The following WWOX variants were observed in gnomAD, a reference collection of about 807,000 sequenced individuals.
WWOX encodes the protein WW domain-containing oxidoreductase.
Under a neutral mutation model 46.2 loss-of-function variants are expected in WWOX, and 69 were observed. The ratio of observed to expected loss-of-function variants is 1.49; its 90% CI spans 1.23 to 1.82. The LOEUF (loss-of-function observed/expected upper bound fraction) is 1.82. WWOX is among the 40% of genes most tolerant of loss of function. The pLI is 0.00. For missense variants in WWOX, 919 were observed against 542.6 expected (o/e 1.69, Z -6.89); for synonymous variants, 359 against 202.6 (o/e 1.77, Z -6.56).
intron 8 of WWOX, among the ~76,000 whole-genome samples, chr16:78,705,120 T>C (rs2048304455): frequency 6.6e-6 from 1 of 152,156 alleles, no homozygotes; most frequent in African/African-American, 2.4e-5. Context: ...GTGTTTTCAG[T>C]GTTAGAGAAA....
At chr16:78,982,004 C>G (rs145425621) in intron 8 of WWOX, among the ~76,000 whole-genome samples, 1 of 152,288 alleles carries the variant, frequency 6.6e-6, no homozygotes, top group Non-Finnish European at 1.5e-5. Flanking sequence ...GGCAGAATCT[C>G]AGTTTCAACA....
chr16:78,835,267 A>T (rs1016315791), intron 8 of WWOX, among the ~76,000 whole-genome samples: 2 of 152,294 alleles, frequency 1.3e-5, no homozygotes, highest in South Asian at 4.1e-4. Context: ...TTCCGAGATT[A>T]TTTACTATTT....
intron 6 of WWOX, among the ~76,000 whole-genome samples, chr16:78,395,734 G>A (rs961278476): frequency 4.7e-5 from 7 of 149,560 alleles, no homozygotes; most frequent in African/African-American, 1.8e-4. Context: ...ACTCTACTGA[G>A]TATGGTTTTT....
At position 79,100,715 on chromosome 16, in the gene WWOX, T is replaced by C. The variant is rs111493130; in HGVS notation, c.1057-110893T>C. On this transcript the variant is annotated intron_variant, in intron 8 of 8. Transcript: ENST00000566780. ...CAGCCTAAGGGGGTGCTTCAGCACCTTGGCGTCACCAGGCTGCAATTAAAA... is the reference window on the plus strand; with the variant it reads ...CAGCCTAAGGGGGTGCTTCAGCACCCTGGCGTCACCAGGCTGCAATTAAAA... Among the ~76,000 whole-genome samples, 6 of 152,302 alleles carry C rather than the reference T, an allele frequency of 3.9e-5. 1 individual carries two copies. Among genetic ancestry groups the C allele is most frequent in the African/African-American group, 1.4e-4 (6 of 41,576 alleles).
intron 8 of WWOX, chr16:78,825,427 AT>A (rs2051624912): frequency 5.9e-6 from 2 of 336,400 alleles, no homozygotes; most frequent in Admixed American, 5.9e-5. Flanking sequence ...AGTAACAAAT[AT>A]CTTAGCCAAC....
At chr16:78,260,493 T>C (rs1392070284) in intron 5 of WWOX, among the ~76,000 whole-genome samples, 5 of 151,116 alleles carry the variant, frequency 3.3e-5, no homozygotes, top group Non-Finnish European at 7.4e-5. Context: ...GGTAAAACCC[T>C]GTCTCCACTA....
At chr16:78,801,463 C>T (rs140723487) in intron 8 of WWOX, among the ~76,000 whole-genome samples, 46 of 152,286 alleles carry the variant, frequency 3.0e-4, no homozygotes, top group African/African-American at 1.1e-3. Context: ...AAGCTGATAT[C>T]ATGTCACCGC....
chr16:78,912,193 T>G (rs1200376315), intron 8 of WWOX, among the ~76,000 whole-genome samples: 1 of 152,048 alleles, frequency 6.6e-6, no homozygotes, highest in East Asian at 1.9e-4. Context: ...ATACTAGCTC[T>G]TATTTATAGG....
chr16:79,021,092 T>G (rs776706958), intron 8 of WWOX, among the ~76,000 whole-genome samples: 4 of 152,220 alleles, frequency 2.6e-5, no homozygotes, highest in Non-Finnish European at 5.9e-5. Context: ...AATGGAATCT[T>G]TAATGCTAGT....
intron 8 of WWOX, among the ~76,000 whole-genome samples, chr16:78,778,946 A>G (rs2050258828): frequency 6.6e-6 from 1 of 152,136 alleles, no homozygotes; most frequent in Non-Finnish European, 1.5e-5. Flanking sequence ...ACCCCTTGGC[A>G]ATAATCTGTT....
At chr16:78,364,205 T>A (rs1257420328) in intron 5 of WWOX, among the ~76,000 whole-genome samples, 1 of 152,318 alleles carries the variant, frequency 6.6e-6, no homozygotes, top group Non-Finnish European at 1.5e-5. Context: ...ATATACTGAT[T>A]ACATTTTAGC....
intron 5 of WWOX, among the ~76,000 whole-genome samples, chr16:78,350,464 C>T (rs1173000217): frequency 8.3e-6 from 1 of 120,806 alleles, no homozygotes; most frequent in East Asian, 1.9e-4. Flanking sequence ...CCACTCCCAA[C>T]CTCTCTCCCA....
chr16:78,989,954 G>T (rs559419838), intron 8 of WWOX, among the ~76,000 whole-genome samples: 1 of 151,674 alleles, frequency 6.6e-6, no homozygotes. Context: ...AGGCCGGGGC[G>T]AGCAAATTGC....
At chr16:78,978,811 C>T (rs1338679432) in intron 8 of WWOX, among the ~76,000 whole-genome samples, 1 of 152,166 alleles carries the variant, frequency 6.6e-6, no homozygotes, top group African/African-American at 2.4e-5. Context: ...AAGGGTTCAT[C>T]CTCATGACTC....
chr16:78,840,694 T>G (rs536132449), intron 8 of WWOX, among the ~76,000 whole-genome samples: 39 of 152,154 alleles, frequency 2.6e-4, no homozygotes, highest in African/African-American at 6.3e-4. Context: ...GGCCCGAGCT[T>G]CTTTGTTTCC....
chr16:78,879,602 G>T (rs2044301821), intron 8 of WWOX, among the ~76,000 whole-genome samples: 1 of 152,176 alleles, frequency 6.6e-6, no homozygotes, highest in Admixed American at 6.5e-5. Context: ...TCCTGGCTGG[G>T]CATGATGGTT....
At position 79,023,308 on chromosome 16, in the gene WWOX, T is replaced by A. The variant is rs75851748; in HGVS notation, c.1057-188300T>A. ...CATGTCTCTGTTGAATTCAGAGTGC[T>A]TTATAGACCTCTGATCAGCTTCCAG... On this transcript the variant is annotated intron_variant, in intron 8 of 8. Coordinates refer to ENST00000566780, the MANE Select transcript of WWOX (RefSeq NM_016373.4). 8.5e-3 allele frequency among the ~76,000 whole-genome samples: 1,291 copies of A among 152,330 alleles called. 17 individuals carry two copies. Among genetic ancestry groups the A allele is most frequent in the African/African-American group, 0.029 (1,219 of 41,584 alleles).
chr16:78,397,560 A>G (rs1265021276), intron 6 of WWOX, among the ~76,000 whole-genome samples: 1 of 152,226 alleles, frequency 6.6e-6, no homozygotes, highest in Non-Finnish European at 1.5e-5. Context: ...CTCAGCTTGC[A>G]TAGTAGCTTG....
intron 5 of WWOX, among the ~76,000 whole-genome samples, chr16:78,366,708 T>A (rs2081543200): frequency 6.6e-6 from 1 of 152,162 alleles, no homozygotes; most frequent in Non-Finnish European, 1.5e-5. Context: ...ACTTGAAAAA[T>A]CTAAAATGCT....
Sources: gnomAD v4.1 joint callset for allele counts (sites outside exome capture counted in the v4.1 genomes callset) on GRCh38, gnomAD v4.1.1 for gene constraint, MANE v1.5 for transcripts, NCBI Gene and HGNC (gene_info 2026-07-23, HGNC 2026-07-21) for gene names.